Variants in MCF2 observed in about 807,000 individuals in gnomAD.
MCF2 encodes MCF.2 cell line derived transforming sequence.
A neutral mutation model predicts 82.5 loss-of-function variants in MCF2; 44 were observed. The observed-to-expected ratio is 0.53, with a 90% confidence interval of 0.42 to 0.69. The LOEUF (loss-of-function observed/expected upper bound fraction) is 0.69, where lower values mean the gene tolerates loss of function less well. MCF2 is among the 30% of genes least tolerant of loss of function. The probability of loss-of-function intolerance (pLI) is 0.00; values close to 1 mark genes in which losing one functional copy is unlikely to be tolerated. For missense variants in MCF2, 623 were observed against 663.1 expected, an observed-to-expected ratio of 0.94 and a Z score of 0.66; for synonymous variants, 217 against 224.9, an observed-to-expected ratio of 0.96 and a Z score of 0.32.
At chrX:139,674,413 G>A (rs1225110599) in intron 1 of MCF2, among the ~76,000 whole-genome samples, 1 of 111,695 alleles carries the variant, frequency 9.0e-6, no homozygotes, top group East Asian at 2.8e-4. Context: ...TTTCTTCCTA[G>A]CATCGATGGT....
chrX:139,650,985 C>A (rs997079673), intron 2 of MCF2, among the ~76,000 whole-genome samples: 3 of 111,245 alleles, frequency 2.7e-5, no homozygotes, highest in African/African-American at 9.8e-5. Context: ...TAGTCAAATT[C>A]ATAGAGAAAG....
intron 1 of MCF2, among the ~76,000 whole-genome samples, chrX:139,701,047 G>C (rs904692135): frequency 5.4e-5 from 6 of 111,764 alleles, no homozygotes; most frequent in Non-Finnish European, 1.1e-4. Flanking sequence ...CCCACACATA[G>C]CACATCCCCT....
intron 1 of MCF2, among the ~76,000 whole-genome samples, chrX:139,641,035 T>A (rs1933534115): frequency 1.8e-5 from 2 of 110,251 alleles, no homozygotes; most frequent in Admixed American, 9.8e-5. Flanking sequence ...AGCCATTCCA[T>A]ATTTACCTTT....
At chrX:139,650,071 C>T (rs1470020624) in intron 2 of MCF2, among the ~76,000 whole-genome samples, 3 of 112,064 alleles carry the variant, frequency 2.7e-5, no homozygotes, top group African/African-American at 9.7e-5. Flanking sequence ...AAGCAGAGGC[C>T]AGGCTGGGTG....
At chrX:139,603,499 G>A (rs900730718) in intron 15 of MCF2, among the ~76,000 whole-genome samples, 7 of 112,580 alleles carry the variant, frequency 6.2e-5, no homozygotes, top group Admixed American at 1.9e-4. Context: ...ATTGCTTGAT[G>A]AGGTTGGGAA....
intron 1 of MCF2, among the ~76,000 whole-genome samples, chrX:139,634,612 A>G (rs188688266): frequency 8.9e-6 from 1 of 112,003 alleles, no homozygotes; most frequent in Admixed American, 9.4e-5. Flanking sequence ...TTAAACAATG[A>G]TTATCAATAT....
In MCF2 at chrX:139,658,676, T is replaced by G. The variant is rs1206055878; in HGVS notation, c.-44-6888A>C. Reference sequence around the variant, plus strand: ...TGCTAAAAAAAGATGTGTTTTTTTTTTTTTTTTTTTTTTTTTGAGACAAGG... The same window carrying G: ...TGCTAAAAAAAGATGTGTTTTTTTTGTTTTTTTTTTTTTTTTGAGACAAGG... On this transcript the variant is annotated intron_variant, in intron 1 of 27. Coordinates refer to the MCF2 transcript ENST00000414978. Among the ~76,000 whole-genome samples, 17 of 94,773 alleles carry G rather than the reference T, an allele frequency of 1.8e-4. No individual in the cohort carries two copies. In the South Asian group the frequency reaches 3.3e-3, roughly 18 times the overall value. The allele number at this position is 94,773 out of a possible 115,157, so 82.3% of individuals were successfully genotyped here.
At chrX:139,658,667 GTTTTTTTTTT>G (rs1182070757) in intron 1 of MCF2, among the ~76,000 whole-genome samples, 3 of 56,613 alleles carry the variant, frequency 5.3e-5, no homozygotes, top group African/African-American at 2.3e-4. Flanking sequence ...AAAAAGATGT[GTTTTTTTTTT>G]TTTTTTTTTT....
intron 1 of MCF2, among the ~76,000 whole-genome samples, chrX:139,689,432 T>C (rs1236775489): frequency 9.0e-6 from 1 of 111,120 alleles, no homozygotes; most frequent in Non-Finnish European, 1.9e-5. Context: ...TTCAATCATA[T>C]GCAGCAGCTT....
At chrX:139,596,446 A>G (rs1038504160) in intron 19 of MCF2, 103 bp downstream of exon 23, 2 of 554,616 alleles carry the variant, frequency 3.6e-6, no homozygotes, top group Non-Finnish European at 5.9e-6. Flanking sequence ...AAAGATGTGC[A>G]GCGAAAGTAT....
chrX:139,596,797 G>A (rs1053174031), intron 18 of MCF2, 27 bp from the exon 23 acceptor site: 9 of 1,068,175 alleles, frequency 8.4e-6, no homozygotes, highest in Non-Finnish European at 1.2e-5. Flanking sequence ...AAACCCATTA[G>A]TAGAAAGCAA....
intron 1 of MCF2, among the ~76,000 whole-genome samples, chrX:139,635,421 T>C (rs1240543800): frequency 9.0e-6 from 1 of 111,072 alleles, no homozygotes; most frequent in Admixed American, 9.5e-5. Flanking sequence ...TTTGGGAAGC[T>C]GAGGTGGGAG....
chrX:139,642,681 G>GT, exon 1 of MCF2: 28 of 1,048,060 alleles, frequency 2.7e-5, no homozygotes, highest in South Asian at 4.9e-5. Context: ...ATGCTGGGGA[G>GT]GAAAAAAAAA....
chrX:139,608,950 GGCT>G (rs1392451275), intron 11 of MCF2, among the ~76,000 whole-genome samples: 2 of 111,620 alleles, frequency 1.8e-5, no homozygotes, highest in Non-Finnish European at 3.8e-5. Context: ...CCATTCACTA[GGCT>G]GCTATTAATT....
intron 19 of MCF2, among the ~76,000 whole-genome samples, chrX:139,595,371 T>A (rs1243731090): frequency 2.7e-5 from 3 of 109,556 alleles, no homozygotes; most frequent in Non-Finnish European, 3.8e-5. Context: ...ATGTGGCACA[T>A]ATACACCATG....
intron 12 of MCF2, among the ~76,000 whole-genome samples, chrX:139,607,015 GAACAA>G (rs1436158512): frequency 9.0e-6 from 1 of 110,630 alleles, no homozygotes; most frequent in Non-Finnish European, 1.9e-5. Flanking sequence ...TTATAACAAT[GAACAA>G]AACAATTATT....
intron 1 of MCF2, among the ~76,000 whole-genome samples, chrX:139,637,109 G>A (rs1933271607): frequency 9.0e-6 from 1 of 111,549 alleles, no homozygotes; most frequent in South Asian, 3.7e-4. Flanking sequence ...AATATTTTTT[G>A]TTATAGTTTA....
intron 1 of MCF2, among the ~76,000 whole-genome samples, chrX:139,690,154 T>C (rs951598680): frequency 3.6e-5 from 4 of 111,069 alleles, no homozygotes; most frequent in Non-Finnish European, 5.7e-5. Flanking sequence ...TTAGGTGTTA[T>C]GACACATTGT....
intron 1 of MCF2, among the ~76,000 whole-genome samples, chrX:139,692,562 A>G (rs1441195701): frequency 1.8e-5 from 2 of 112,017 alleles, no homozygotes. Flanking sequence ...GAATTTCTGC[A>G]GAGATTCCCA....
Sources: allele counts gnomAD v4.1 joint callset (sites outside exome capture counted in the v4.1 genomes callset), GRCh38; gene constraint gnomAD v4.1.1; transcripts MANE v1.5; gene names NCBI Gene and HGNC (gene_info 2026-07-23, HGNC 2026-07-21).